The following CDH15 variants were observed in gnomAD, a reference collection of about 807,000 sequenced individuals.
CDH15 encodes cadherin 15, also known as cadherin-15.
A neutral mutation model predicts 69.4 loss-of-function variants in CDH15; 73 were observed. That is an observed-to-expected ratio of 1.05 (90% confidence interval 0.87 to 1.28). The LOEUF is 1.28. CDH15 is among the 50% of genes most tolerant of loss of function. The pLI, the probability that CDH15 is intolerant of heterozygous loss-of-function variation, is 0.00. For missense variants in CDH15, 1,343 were observed against 1,133.6 expected (o/e 1.18, Z -2.65); for synonymous variants, 624 against 507.7 (o/e 1.23, Z -3.08).
intron 7 of CDH15, 66 bp from the exon 8 acceptor site, chr16:89,190,177 T>C: frequency 6.3e-7 from 1 of 1,577,448 alleles, no homozygotes; most frequent in East Asian, 2.3e-5. Flanking sequence ...GGCTCCCCCA[T>C]GGCACCTGCC....
chr16:89,184,650 G>GTCCTCTGTT (rs1397665917), intron 4 of CDH15, among the ~76,000 whole-genome samples: 1 of 151,696 alleles, frequency 6.6e-6, no homozygotes, highest in Non-Finnish European at 1.5e-5. Context: ...CTGTCCGTGC[G>GTCCTCTGTT]TCCTCTGTTT....
At chr16:89,194,281 G>A (rs1191472278) in intron 13 of CDH15, among the ~76,000 whole-genome samples, 6 of 152,170 alleles carry the variant, frequency 3.9e-5, no homozygotes, top group African/African-American at 1.2e-4. Context: ...TGGACACAGC[G>A]TTAATGATTC....
intron 6 of CDH15, 54 bp from the exon 7 acceptor site, chr16:89,188,046 C>G (rs1204106017): frequency 1.3e-6 from 2 of 1,513,202 alleles, no homozygotes; most frequent in Non-Finnish European, 1.8e-6. Context: ...GAGGGCCCCA[C>G]CCATGCTGTC....
At chr16:89,191,540 T>C in intron 9 of CDH15, 68 bp downstream of exon 9, 1 of 1,598,080 alleles carries the variant, frequency 6.3e-7, no homozygotes, top group Non-Finnish European at 8.5e-7. Flanking sequence ...CCTGCCAGTG[T>C]CGGAGGGCTC....
Position 89,191,408 on chromosome 16 carries a change from C to T in CDH15, c.1311C>T (p.Leu437=), listed in dbSNP as rs1448991885. 1.9e-6 allele frequency: 3 copies of T among 1,612,772 alleles called. No individual in the cohort carries two copies. Among genetic ancestry groups the T allele is most frequent in the Admixed American group, 1.7e-5 (1 of 60,020 alleles). Residue 437 remains leucine (L), a synonymous_variant, in exon 9 of 14, where the codon CTC becomes CTT. Transcript: ENST00000289746. ...GCCGGATCCAGACCCAGCACGTGCT[C>T]AGCCCGGCGTCCCCCTTCCTCAAGG... is the stretch of plus-strand genomic sequence containing the variant. The part of the protein sequence containing the change: ...ATGRIQTQHV[L]SPASPFLKGG...
chr16:89,191,563 C>T (rs1471066723), intron 9 of CDH15, 91 bp downstream of exon 9: 4 of 1,584,556 alleles, frequency 2.5e-6, no homozygotes, highest in Admixed American at 3.5e-5. Flanking sequence ...CCCATGTCGC[C>T]CGGGGGCTCA....
At chr16:89,193,346 C>CA in intron 11 of CDH15, 124 bp from the exon 12 acceptor site, 1 of 564,884 alleles carries the variant, frequency 1.8e-6, no homozygotes, top group Non-Finnish European at 3.0e-6. Flanking sequence ...CTGCCGCCCC[C>CA]TCAACCCCAC....
chr16:89,191,569 G>A, intron 9 of CDH15, 86 bp from the exon 10 acceptor site: 2 of 1,579,128 alleles, frequency 1.3e-6, no homozygotes, highest in Non-Finnish European at 1.7e-6. Context: ...TCGCCCGGGG[G>A]CTCAGAGCTG....
Position 89,179,463 on chromosome 16 carries a change from C to A in CDH15, c.90C>A (p.Thr30=), listed in dbSNP as rs1567771162. 6.2e-7 allele frequency: 1 copy of A among 1,613,596 alleles called. No homozygotes were observed. The highest frequency in any genetic ancestry group is 8.5e-7 in the Non-Finnish European group (1 of 1,179,904). ...LGVPGWRRPT[T]LYPWRRAPAL... ...TTCCTGGATGGAGGAGGCCCACCACCCTGTACCCCTGGCGCCGGGCGCCTG... is the reference window on the plus strand; with the variant it reads ...TTCCTGGATGGAGGAGGCCCACCACACTGTACCCCTGGCGCCGGGCGCCTG... Residue 30 remains threonine (T), a synonymous_variant, in exon 2 of 14, where the codon ACC becomes ACA. Coordinates refer to ENST00000289746, the MANE Select transcript of CDH15 (RefSeq NM_004933.3).
chr16:89,183,741 T>C, intron 4 of CDH15, 49 bp downstream of exon 4: 2 of 1,544,028 alleles, frequency 1.3e-6, no homozygotes. Context: ...AAGGAAGGGC[T>C]CTGTGAAGTC....
intron 8 of CDH15, 76 bp from the exon 9 acceptor site, chr16:89,191,254 C>T (rs1001802916): frequency 1.9e-6 from 3 of 1,557,604 alleles, no homozygotes; most frequent in Non-Finnish European, 2.6e-6. Context: ...CAGTGCATGT[C>T]ACGCACCCAT....
intron 1 of CDH15, among the ~76,000 whole-genome samples, chr16:89,172,396 G>A (rs984615730): frequency 3.9e-5 from 6 of 152,232 alleles, no homozygotes; most frequent in African/African-American, 1.4e-4. Flanking sequence ...TCACCCTCAC[G>A]GCTACTTCTC....
At position 89,195,093 on chromosome 16, in the gene CDH15, C is replaced by T. The variant is rs974354382; in HGVS notation, c.2383C>T (p.Gln795Ter). ...GLEYGARWDHQAREGLSPGAL... is the reference protein window; with the variant it reads ...GLEYGARWDH Reference sequence around the variant, plus strand: ...GGAGTACGGGGCCAGATGGGACCACCAGGCCAGGGAGGGTCTTTCTCCTGG... The same window carrying T: ...GGAGTACGGGGCCAGATGGGACCACTAGGCCAGGGAGGGTCTTTCTCCTGG... The change falls in exon 14 of 14, where the codon CAG becomes TAG. Residue 795 changes from glutamine to a stop codon, truncating the protein, a stop_gained. Coordinates refer to ENST00000289746, the MANE Select transcript of CDH15 (RefSeq NM_004933.3). LOFTEE classifies it low-confidence loss of function (END_TRUNC). The T allele has an allele frequency of 6.2e-7, 1 of 1,611,088 alleles. No individual in the cohort carries two copies. The highest frequency in any genetic ancestry group is 1.3e-5 in the African/African-American group (1 of 74,892).
chr16:89,194,065 G>A, intron 13 of CDH15, 152 bp downstream of exon 13: 1 of 978,118 alleles, frequency 1.0e-6, no homozygotes, highest in Admixed American at 2.3e-5. Context: ...TGGTGTGCGG[G>A]CGGGAGTGTG....
Position 89,171,802 on chromosome 16 carries a change from C to G in CDH15, c.-30C>G. On this transcript the variant is annotated 5_prime_UTR_variant, in exon 1 of 14. Coordinates refer to ENST00000289746, the MANE Select transcript of CDH15 (RefSeq NM_004933.3). ...GACGCGCTTCTTCGGGTCGCGGGTG[C>G]ACTCCGGCCCGGCTCCCGCCTCGGC... 6.5e-7 allele frequency: 1 copy of G among 1,543,530 alleles called. No homozygotes were observed. The highest frequency in any genetic ancestry group is 8.7e-7 in the Non-Finnish European group (1 of 1,148,252).
chr16:89,185,207 C>T lies in CDH15; in HGVS notation c.537C>T (p.Ala179=), dbSNP rs751737334. The T allele has an allele frequency of 1.6e-5, 25 of 1,602,902 alleles. No homozygotes were observed. Among genetic ancestry groups the T allele is most frequent in the Middle Eastern group, 1.7e-4 (1 of 6,054 alleles). The change falls in exon 5 of 14, where the codon GCC becomes GCT. Residue 179 remains alanine (A), a synonymous_variant. Transcript: ENST00000289746. ...TYVTRAEATD[A]DDPETDNAAL... is the part of the protein sequence containing the mutation. ...TGACCAGGGCAGAGGCCACAGATGC[C>T]GACGACCCCGAGACGGACAACGCAG...
chr16:89,183,718 C>G (rs759113075), intron 4 of CDH15, 26 bp downstream of exon 4: 1 of 1,572,066 alleles, frequency 6.4e-7, no homozygotes, highest in African/African-American at 1.4e-5. Context: ...AGCCCCGGGC[C>G]GGGAGGGGCT....
chr16:89,171,822 C>CTCGGT lies in CDH15; in HGVS notation c.-6_-5insTTCGG, dbSNP rs1299165131. On this transcript the variant is annotated 5_prime_UTR_variant, in exon 1 of 14. Transcript: ENST00000289746. ...GGGTGCACTCCGGCCCGGCTCCCGCCTCGGCCCCGATGGACGCCGCGTTCC... is the reference window on the plus strand; with the variant it reads ...GGGTGCACTCCGGCCCGGCTCCCGCCTCGGTTCGGCCCCGATGGACGCCGCGTTCC... 1.3e-6 allele frequency: 2 copies of CTCGGT among 1,554,628 alleles called. No homozygotes were observed. The highest frequency in any genetic ancestry group is 1.9e-5 in the Admixed American group (1 of 52,630).
chr16:89,189,986 G>A (rs1029397843), intron 7 of CDH15, among the ~76,000 whole-genome samples: 3 of 152,218 alleles, frequency 2.0e-5, no homozygotes, highest in Non-Finnish European at 2.9e-5. Context: ...ATCCCCCAAC[G>A]GCCCTCGCTG....
Sources: gnomAD v4.1 joint callset for allele counts (sites outside exome capture counted in the v4.1 genomes callset) on GRCh38, gnomAD v4.1.1 for gene constraint, MANE v1.5 for transcripts, NCBI Gene and HGNC (gene_info 2026-07-23, HGNC 2026-07-21) for gene names.